Variants in CNTNAP2 observed in about 807,000 individuals in gnomAD.
CNTNAP2 encodes the protein contactin associated protein 2.
A neutral mutation model predicts 155.2 loss-of-function variants in CNTNAP2; 98 were observed. That is an observed-to-expected ratio of 0.63 (90% CI 0.54 to 0.75). The LOEUF (loss-of-function observed/expected upper bound fraction) is 0.75. Among genes scored for constraint, CNTNAP2 ranks in the 30% least tolerant of loss-of-function variants. CNTNAP2 has a pLI of 0.00. For missense variants in CNTNAP2, 1,727 were observed against 1,688.1 expected (o/e 1.02, Z -0.40); for synonymous variants, 651 against 631.2 (o/e 1.03, Z -0.47).
chr7:146,767,049 C>A (rs751825486), intron 1 of CNTNAP2, among the ~76,000 whole-genome samples: 16 of 152,130 alleles, frequency 1.1e-4, no homozygotes, highest in Non-Finnish European at 1.0e-4. Flanking sequence ...CATTCCAATT[C>A]CATTATCTTT....
At chr7:147,010,698 GAA>G (rs1201885759) in intron 3 of CNTNAP2, among the ~76,000 whole-genome samples, 14 of 152,122 alleles carry the variant, frequency 9.2e-5, no homozygotes, top group African/African-American at 3.1e-4. Context: ...GGAGAGAAGA[GAA>G]AGCTTTTTCT....
At chr7:146,617,770 T>A (rs570621120) in intron 1 of CNTNAP2, among the ~76,000 whole-genome samples, 169 of 152,292 alleles carry the variant, frequency 1.1e-3, no homozygotes, top group African/African-American at 3.5e-3. Context: ...AATATTTTTT[T>A]AAAATATCTC....
chr7:147,348,795 T>C (rs1795922179), intron 9 of CNTNAP2, among the ~76,000 whole-genome samples: 1 of 151,942 alleles, frequency 6.6e-6, no homozygotes, highest in Non-Finnish European at 1.5e-5. Context: ...ATATACACAA[T>C]GGAATACTAT....
At chr7:146,313,372 G>A (rs1800858718) in intron 1 of CNTNAP2, among the ~76,000 whole-genome samples, 2 of 152,106 alleles carry the variant, frequency 1.3e-5, no homozygotes, top group African/African-American at 4.8e-5. Flanking sequence ...AGAAATGTCT[G>A]TTCAGATTCT....
At chr7:147,814,747 G>C (rs796141648) in intron 13 of CNTNAP2, among the ~76,000 whole-genome samples, 2 of 152,204 alleles carry the variant, frequency 1.3e-5, no homozygotes, top group African/African-American at 4.8e-5. Context: ...TGCTAAGTCA[G>C]TGTTTCAAAT....
intron 9 of CNTNAP2, among the ~76,000 whole-genome samples, chr7:147,349,553 A>G (rs1795934425): frequency 3.3e-5 from 5 of 151,942 alleles, no homozygotes. Flanking sequence ...AAAAAAATAT[A>G]TAACATTCCA....
intron 13 of CNTNAP2, among the ~76,000 whole-genome samples, chr7:147,840,092 A>G (rs1798704607): frequency 6.6e-6 from 1 of 152,114 alleles, no homozygotes; most frequent in East Asian, 1.9e-4. Context: ...TCATGTTCTC[A>G]CTTATAAGTA....
chr7:147,432,140 G>A (rs908939732), intron 10 of CNTNAP2, among the ~76,000 whole-genome samples: 2 of 152,212 alleles, frequency 1.3e-5, no homozygotes, highest in East Asian at 3.9e-4. Flanking sequence ...AAACACTTTA[G>A]AACCGAGTTT....
chr7:147,635,044 C>T (rs73470981), intron 12 of CNTNAP2, among the ~76,000 whole-genome samples: 6,620 of 152,086 alleles, frequency 0.044, 487 homozygotes, highest in African/African-American at 0.15. Flanking sequence ...TGCTGGATAA[C>T]TACCTTACAC....
At chr7:148,340,593 G>A (rs1474968550) in intron 21 of CNTNAP2, among the ~76,000 whole-genome samples, 1 of 152,198 alleles carries the variant, frequency 6.6e-6, no homozygotes, top group Non-Finnish European at 1.5e-5. Flanking sequence ...ATTGATTCTC[G>A]CTTTTTCTTT....
chr7:148,204,008 G>A (rs1795408556), intron 18 of CNTNAP2, among the ~76,000 whole-genome samples: 1 of 152,188 alleles, frequency 6.6e-6, no homozygotes, highest in Non-Finnish European at 1.5e-5. Context: ...ACCCTGTGAG[G>A]CCTCAGATAA....
In CNTNAP2 at chr7:146,633,159, T is replaced by G. The variant is rs532780457; in HGVS notation, c.98-141112T>G. Among the ~76,000 whole-genome samples, 4 of 152,292 alleles carry G rather than the reference T, an allele frequency of 2.6e-5. No individual in the cohort carries two copies. The South Asian group carries it at 8.3e-4, about 32-fold the overall frequency. On this transcript the variant is annotated intron_variant, in intron 1 of 23. Coordinates refer to ENST00000361727, the MANE Select transcript of CNTNAP2 (RefSeq NM_014141.6). Reference sequence around the variant, plus strand: ...ATCCGATCCTGGGAATATTGATGTATGTACACCCCGTAGATTATACTTTTC... The same window carrying G: ...ATCCGATCCTGGGAATATTGATGTAGGTACACCCCGTAGATTATACTTTTC...
intron 15 of CNTNAP2, among the ~76,000 whole-genome samples, chr7:148,090,742 T>C (rs1361586237): frequency 2.0e-5 from 3 of 152,172 alleles, no homozygotes; most frequent in South Asian, 4.1e-4. Flanking sequence ...AATCCCACTA[T>C]TGGCTACATA....
At chr7:148,316,368 A>G (rs1298632692) in intron 21 of CNTNAP2, among the ~76,000 whole-genome samples, 1 of 151,506 alleles carries the variant, frequency 6.6e-6, no homozygotes, top group Non-Finnish European at 1.5e-5. Flanking sequence ...AAGAAATGGG[A>G]AGCTGGCTGC....
rs11440955 is a variant in CNTNAP2, at chr7:147,788,900, C to CTTTTTTTTTTTTTTTTT, written c.2099-114659_2099-114643dup. Among the ~76,000 whole-genome samples the CTTTTTTTTTTTTTTTTT allele has an allele frequency of 7.0e-4, 71 of 100,736 alleles. 1 individual carries two copies. Among genetic ancestry groups the CTTTTTTTTTTTTTTTTT allele is most frequent in the African/African-American group, 1.4e-3 (31 of 22,862 alleles). 66.1% of individuals were successfully genotyped at this position (100,736 alleles called of 152,430 possible). The stretch of plus-strand genomic sequence containing the variant: ...TAGGATATACTTTTTTTTTCTTTTT[C>CTTTTTTTTTTTTTTTTT]TTTTTTTTTTTTTTTTTTTTTTGAG... On this transcript the variant is annotated intron_variant, in intron 13 of 23. Transcript: ENST00000361727.
intron 1 of CNTNAP2, among the ~76,000 whole-genome samples, chr7:146,729,655 G>A (rs1310217488): frequency 6.6e-6 from 1 of 152,012 alleles, no homozygotes; most frequent in East Asian, 1.9e-4. Context: ...ACAGGCTAGA[G>A]TTTATTAAAT....
intron 17 of CNTNAP2, among the ~76,000 whole-genome samples, chr7:148,157,922 G>A (rs757085324): frequency 8.6e-5 from 13 of 151,980 alleles, no homozygotes; most frequent in Non-Finnish European, 1.8e-4. Flanking sequence ...AAATATAGAA[G>A]CTCCTCCAAG....
In CNTNAP2 at chr7:147,775,377, T is replaced by A. The variant is rs866059382; in HGVS notation, c.2099-128188T>A. 2.4e-3 allele frequency among the ~76,000 whole-genome samples: 173 copies of A among 72,032 alleles called. 17 individuals carry two copies. Among genetic ancestry groups the A allele is most frequent in the Admixed American group, 0.02 (91 of 4,656 alleles). The allele number at this position is 72,032 out of a possible 152,430, so 47.3% of individuals were successfully genotyped here. The stretch of plus-strand genomic sequence containing the variant: ...TATATATTTATAAATATATATATAT[T>A]TATATATATTTATAAATATATATAT... On this transcript the variant is annotated intron_variant, in intron 13 of 23. Coordinates refer to ENST00000361727, the MANE Select transcript of CNTNAP2 (RefSeq NM_014141.6).
chr7:147,915,858 G>C (rs557181545), intron 14 of CNTNAP2, among the ~76,000 whole-genome samples: 15 of 152,232 alleles, frequency 9.9e-5, no homozygotes, highest in African/African-American at 3.1e-4. Context: ...GTTTTCAAAA[G>C]GGTTACACCA....
Sources: allele counts gnomAD v4.1 joint callset (sites outside exome capture counted in the v4.1 genomes callset), GRCh38; gene constraint gnomAD v4.1.1; transcripts MANE v1.5; gene names NCBI Gene and HGNC (gene_info 2026-07-23, HGNC 2026-07-21).